COG5: variants seen among roughly 807,000 people sequenced by gnomAD.
The protein encoded by COG5 is conserved oligomeric Golgi complex subunit 5.
Under a neutral mutation model 110.4 loss-of-function variants are expected in COG5, and 86 were observed. That is an observed-to-expected ratio of 0.78 (90% CI 0.65 to 0.93). The LOEUF (loss-of-function observed/expected upper bound fraction) is 0.93, where lower values mean the gene tolerates loss of function less well. Ranked by LOEUF, COG5 falls within the 40% of genes least tolerant of loss-of-function variation. The pLI is 0.00. For missense variants in COG5, 1,077 were observed against 987.0 expected, an observed-to-expected ratio of 1.09 and a Z score of -1.22; for synonymous variants, 360 against 334.6, an observed-to-expected ratio of 1.08 and a Z score of -0.83.
chr7:107,297,746 C>T (rs1046735472), intron 12 of COG5, among the ~76,000 whole-genome samples: 2 of 152,108 alleles, frequency 1.3e-5, no homozygotes, highest in East Asian at 3.9e-4. Flanking sequence ...AGATTTATCT[C>T]CCCTGTAGTT....
intron 12 of COG5, among the ~76,000 whole-genome samples, chr7:107,287,104 G>T (rs1215830110): frequency 1.3e-5 from 2 of 152,226 alleles, no homozygotes; most frequent in Non-Finnish European, 2.9e-5. Context: ...ATTGGGGGAA[G>T]AGGAGGTTAT....
intron 6 of COG5, among the ~76,000 whole-genome samples, chr7:107,413,439 G>A (rs377436731): frequency 2.0e-5 from 3 of 151,696 alleles, no homozygotes; most frequent in Non-Finnish European, 4.4e-5. Flanking sequence ...AGGGCTCTAA[G>A]AGCTGGGAGG....
At chr7:107,540,574 T>C (rs1801906654) in intron 5 of COG5, among the ~76,000 whole-genome samples, 2 of 148,094 alleles carry the variant, frequency 1.4e-5, no homozygotes, top group East Asian at 4.0e-4. Context: ...CAAGGCCCTG[T>C]CTCAAAAAAT....
intron 14 of COG5, among the ~76,000 whole-genome samples, chr7:107,259,207 T>C (rs1803126522): frequency 6.6e-6 from 1 of 152,142 alleles, no homozygotes; most frequent in Non-Finnish European, 1.5e-5. Context: ...ATAACAATTA[T>C]TATTTAAAGA....
intron 12 of COG5, among the ~76,000 whole-genome samples, chr7:107,288,719 A>G (rs1383127690): frequency 5.3e-5 from 8 of 151,818 alleles, no homozygotes; most frequent in Non-Finnish European, 1.2e-4. Context: ...CAGATCTATG[A>G]GTCAGAAATA....
chr7:107,412,454 G>C (rs778403543), intron 7 of COG5, 48 bp downstream of exon 7: 1 of 1,577,088 alleles, frequency 6.3e-7, no homozygotes, highest in Non-Finnish European at 8.7e-7. Context: ...ATGTTCACCT[G>C]TATTATGACA....
intron 1 of COG5, among the ~76,000 whole-genome samples, chr7:107,562,873 G>C (rs1803991078): frequency 6.6e-6 from 1 of 152,184 alleles, no homozygotes; most frequent in African/African-American, 2.4e-5. Context: ...CTGCGATGAT[G>C]AATTTAAAAA....
At chr7:107,560,108 A>G (rs1434929087) in intron 1 of COG5, among the ~76,000 whole-genome samples, 6 of 152,214 alleles carry the variant, frequency 3.9e-5, no homozygotes, top group African/African-American at 1.4e-4. Context: ...TTGGCTCTTG[A>G]GCACAGACTG....
intron 6 of COG5, among the ~76,000 whole-genome samples, chr7:107,420,146 C>G (rs1439256611): frequency 3.3e-5 from 5 of 152,106 alleles, no homozygotes; most frequent in Non-Finnish European, 7.4e-5. Flanking sequence ...GAATACAGAA[C>G]TAGAAATGAG....
In COG5 at chr7:107,201,611, A is replaced by G; in HGVS notation, c.*1905T>C. 2.2e-6 allele frequency: 1 copy of G among 453,952 alleles called. No homozygotes were observed. The highest frequency in any genetic ancestry group is 3.4e-5 in the East Asian group (1 of 29,528). 28.1% of individuals were successfully genotyped at this position (453,952 alleles called of 1,614,324 possible). The stretch of plus-strand genomic sequence containing the variant: ...GAGGATTTGCTTTCTCCATTAGAGC[A>G]TTAAGCTAAAACTATCAACATTTTA... On this transcript the variant is annotated 3_prime_UTR_variant, in exon 22 of 22. Coordinates refer to ENST00000297135, the MANE Select transcript of COG5 (RefSeq NM_006348.5).
At chr7:107,230,522 T>C in intron 19 of COG5, 93 bp downstream of exon 19, 1 of 930,044 alleles carries the variant, frequency 1.1e-6, no homozygotes, top group East Asian at 2.4e-5. Context: ...TCAAAAATGG[T>C]TGAATATTGG....
chr7:107,443,631 T>C (rs914239219), intron 6 of COG5, among the ~76,000 whole-genome samples: 1 of 152,188 alleles, frequency 6.6e-6, no homozygotes, highest in Non-Finnish European at 1.5e-5. Flanking sequence ...TAATAAAAAC[T>C]AAAAATGTAA....
At chr7:107,362,160 G>A in intron 9 of COG5, 50 bp from the exon 10 acceptor site, 1 of 1,468,682 alleles carries the variant, frequency 6.8e-7, no homozygotes, top group Non-Finnish European at 9.5e-7. Flanking sequence ...GCAAGAAAAG[G>A]GAAATGGCAA....
intron 6 of COG5, among the ~76,000 whole-genome samples, chr7:107,437,542 C>G (rs1425217049): frequency 6.6e-6 from 1 of 152,110 alleles, no homozygotes; most frequent in Admixed American, 6.5e-5. Flanking sequence ...CTTTCAGATA[C>G]TTAAAGTCCT....
intron 16 of COG5, among the ~76,000 whole-genome samples, chr7:107,249,852 T>C (rs1401842796): frequency 1.3e-5 from 2 of 151,998 alleles, no homozygotes; most frequent in Non-Finnish European, 2.9e-5. Context: ...AGTGAGCACC[T>C]TCCTTTGAGC....
chr7:107,467,793 T>A (rs1796390077), intron 6 of COG5, among the ~76,000 whole-genome samples: 1 of 152,306 alleles, frequency 6.6e-6, no homozygotes, highest in Admixed American at 6.5e-5. Flanking sequence ...AATTTGTGGT[T>A]TTTAAAAAGG....
At chr7:107,522,092 G>C (rs747629966) in intron 6 of COG5, among the ~76,000 whole-genome samples, 1 of 152,144 alleles carries the variant, frequency 6.6e-6, no homozygotes, top group Non-Finnish European at 1.5e-5. Flanking sequence ...GACACAGGGA[G>C]GGGAACAACA....
intron 10 of COG5, among the ~76,000 whole-genome samples, chr7:107,349,945 G>A (rs1176573797): frequency 2.6e-5 from 4 of 151,950 alleles, no homozygotes; most frequent in Admixed American, 6.6e-5. Context: ...AACCCGCCTC[G>A]GACTCACAAA....
At chr7:107,528,084 T>G (rs1422850304) in intron 5 of COG5, among the ~76,000 whole-genome samples, 8 of 152,050 alleles carry the variant, frequency 5.3e-5, no homozygotes, top group Non-Finnish European at 1.2e-4. Context: ...AATTTCATTA[T>G]TTTCCTAATC....
Sources: gnomAD v4.1 joint callset for allele counts (sites outside exome capture counted in the v4.1 genomes callset) on GRCh38, gnomAD v4.1.1 for gene constraint, MANE v1.5 for transcripts, NCBI Gene and HGNC (gene_info 2026-07-23, HGNC 2026-07-21) for gene names.